Variants in DLG2 observed in about 807,000 individuals in gnomAD.
DLG2 encodes disks large homolog 2.
In DLG2, 45 loss-of-function variants were observed where a neutral mutation model predicts 132.5. The ratio of observed to expected loss-of-function variants is 0.34; its 90% confidence interval spans 0.27 to 0.44. DLG2 has a LOEUF of 0.44. Ranked by LOEUF, DLG2 falls within the 20% of genes least tolerant of loss-of-function variation. The pLI, the probability that DLG2 is intolerant of heterozygous loss-of-function variation, is 1.00. For missense variants in DLG2, 1,045 were observed against 1,196.9 expected, an observed-to-expected ratio of 0.87 and a Z score of 1.87; for synonymous variants, 424 against 419.6, an observed-to-expected ratio of 1.01 and a Z score of -0.13.
intron 17 of DLG2, among the ~76,000 whole-genome samples, chr11:83,797,463 G>A (rs1469640197): frequency 1.3e-5 from 2 of 151,974 alleles, no homozygotes; most frequent in African/African-American, 4.8e-5. Flanking sequence ...ACAAAGTCAG[G>A]AATGAAACCC....
chr11:84,324,605 T>C (rs546097705), intron 7 of DLG2, among the ~76,000 whole-genome samples: 18 of 152,262 alleles, frequency 1.2e-4, no homozygotes, highest in African/African-American at 2.9e-4. Flanking sequence ...AGTGGTTACA[T>C]TGAATGTGTA....
intron 6 of DLG2, among the ~76,000 whole-genome samples, chr11:85,098,420 C>T (rs2070281397): frequency 6.6e-6 from 1 of 152,150 alleles, no homozygotes; most frequent in Non-Finnish European, 1.5e-5. Context: ...TTCCTATAGA[C>T]CTCAAGCTTT....
intron 23 of DLG2, among the ~76,000 whole-genome samples, 198 bp from the exon 24 acceptor site, chr11:83,471,925 G>C (rs1393775460): frequency 6.6e-6 from 1 of 152,106 alleles, no homozygotes; most frequent in East Asian, 1.9e-4. Flanking sequence ...CTACTTTCTG[G>C]AATCTACTAG....
chr11:85,119,119 G>A (rs996652202), intron 5 of DLG2, among the ~76,000 whole-genome samples: 4 of 151,752 alleles, frequency 2.6e-5, no homozygotes, highest in East Asian at 3.9e-4. Flanking sequence ...ACATGAAAGC[G>A]CTTAGCAAAT....
chr11:84,883,332 A>G (rs942443670), intron 6 of DLG2, among the ~76,000 whole-genome samples: 1 of 152,022 alleles, frequency 6.6e-6, no homozygotes, highest in Non-Finnish European at 1.5e-5. Flanking sequence ...AAGGGGAGGG[A>G]TAGCATTAAG....
rs142254357 is a variant in DLG2, at chr11:84,564,911, C to A, written c.358-30180G>T. On this transcript the variant is annotated intron_variant, in intron 6 of 27. Coordinates refer to ENST00000376104, the MANE Select transcript of DLG2 (RefSeq NM_001142699.3). ...TGATGACTTTATAAGGTGAAATGGT[C>A]TCAACAGATAATCTAGTCTATATGA... Among the ~76,000 whole-genome samples, 1,364 of 152,194 alleles carry A rather than the reference C, an allele frequency of 9.0e-3. 8 individuals are homozygous for A. Among genetic ancestry groups the A allele is most frequent in the Non-Finnish European group, 0.011 (780 of 68,006 alleles).
chr11:85,424,919 C>T (rs2090594646), intron 3 of DLG2, among the ~76,000 whole-genome samples: 1 of 152,130 alleles, frequency 6.6e-6, no homozygotes, highest in South Asian at 2.1e-4. Flanking sequence ...ATTTCTGTTG[C>T]TTAAGCCACC....
At chr11:83,894,083 C>G (rs2154090887) in intron 15 of DLG2, among the ~76,000 whole-genome samples, 1 of 152,288 alleles carries the variant, frequency 6.6e-6, no homozygotes, top group Middle Eastern at 3.4e-3. Flanking sequence ...AGGAAACAAC[C>G]AATGTATTCC....
At chr11:84,725,397 T>C (rs2153803969) in intron 6 of DLG2, among the ~76,000 whole-genome samples, 1 of 152,298 alleles carries the variant, frequency 6.6e-6, no homozygotes, top group South Asian at 2.1e-4. Flanking sequence ...TAAATCCCTT[T>C]CCCTCTCCTC....
intron 6 of DLG2, among the ~76,000 whole-genome samples, chr11:85,056,192 T>A (rs2063440072): frequency 6.6e-6 from 1 of 152,108 alleles, no homozygotes; most frequent in Non-Finnish European, 1.5e-5. Context: ...ATAATCGACA[T>A]GGTTCAGAAA....
chr11:84,794,350 A>G (rs1228558047), intron 6 of DLG2, among the ~76,000 whole-genome samples: 1 of 152,226 alleles, frequency 6.6e-6, no homozygotes, highest in African/African-American at 2.4e-5. Flanking sequence ...AGCTACTGCC[A>G]TAACGCCAAC....
chr11:85,556,483 C>G (rs1290847985), intron 3 of DLG2, among the ~76,000 whole-genome samples: 1 of 151,712 alleles, frequency 6.6e-6, no homozygotes, highest in East Asian at 1.9e-4. Flanking sequence ...TTTACAAAGT[C>G]GATTATTATT....
At chr11:85,197,003 A>C (rs1430603636) in intron 4 of DLG2, among the ~76,000 whole-genome samples, 2 of 152,224 alleles carry the variant, frequency 1.3e-5, no homozygotes, top group African/African-American at 4.8e-5. Flanking sequence ...CAGAATAGCT[A>C]CATTTATACA....
At chr11:85,527,182 T>A (rs559202717) in intron 3 of DLG2, among the ~76,000 whole-genome samples, 56 of 150,786 alleles carry the variant, frequency 3.7e-4, no homozygotes, top group Admixed American at 1.2e-3. Flanking sequence ...TTTTATTTTT[T>A]TTTTTTTTTA....
chr11:85,333,055 A>G (rs912558474), intron 3 of DLG2, among the ~76,000 whole-genome samples: 2 of 152,210 alleles, frequency 1.3e-5, no homozygotes, highest in Non-Finnish European at 2.9e-5. Context: ...GGCCATTTTA[A>G]CAATATTGAT....
chr11:83,904,692 TA>T (rs1187451388), intron 15 of DLG2, among the ~76,000 whole-genome samples: 2 of 151,920 alleles, frequency 1.3e-5, no homozygotes, highest in African/African-American at 4.8e-5. Flanking sequence ...ATAATAACAA[TA>T]ATGCATTTCT....
At chr11:85,465,709 T>G (rs1292735607) in intron 3 of DLG2, among the ~76,000 whole-genome samples, 1 of 152,192 alleles carries the variant, frequency 6.6e-6, no homozygotes, top group Non-Finnish European at 1.5e-5. Context: ...CTATCATTGA[T>G]GGACATTTGG....
At chr11:83,796,016 C>A (rs757417002) in intron 17 of DLG2, among the ~76,000 whole-genome samples, 2 of 152,196 alleles carry the variant, frequency 1.3e-5, no homozygotes, top group Admixed American at 6.5e-5. Context: ...AGACTCAATT[C>A]AAACTGAGTT....
rs192208784 is a variant in DLG2, at chr11:84,568,329, C to T, written c.358-33598G>A. On this transcript the variant is annotated intron_variant, in intron 6 of 27. Transcript: ENST00000376104. Reference sequence around the variant, plus strand: ...TTCGAGACTATCCTGTGCTAGGTGGCGAAACCCCGTCTCTACTAAAAATAC... The same window carrying T: ...TTCGAGACTATCCTGTGCTAGGTGGTGAAACCCCGTCTCTACTAAAAATAC... 3.2e-3 allele frequency among the ~76,000 whole-genome samples: 492 copies of T among 151,980 alleles called. 4 individuals carry two copies. The highest frequency in any genetic ancestry group is 0.015 in the South Asian group (71 of 4,796).
Sources: allele counts gnomAD v4.1 joint callset (sites outside exome capture counted in the v4.1 genomes callset), GRCh38; gene constraint gnomAD v4.1.1; transcripts MANE v1.5; gene names NCBI Gene and HGNC (gene_info 2026-07-23, HGNC 2026-07-21).